Variants in LRP1B observed in about 807,000 individuals in gnomAD.
The protein encoded by LRP1B is LDL receptor related protein 1B.
LRP1B carries 217 observed loss-of-function variants against 556.6 expected under a neutral mutation model. The observed-to-expected ratio is 0.39, with a 90% CI of 0.35 to 0.44. The LOEUF (loss-of-function observed/expected upper bound fraction) is 0.44. Among genes scored for constraint, LRP1B ranks in the 20% least tolerant of loss-of-function variants. The pLI, the probability that LRP1B is intolerant of heterozygous loss-of-function variation, is 1.00. For synonymous variants in LRP1B, 2,047 were observed against 1,865.8 expected, an observed-to-expected ratio of 1.10 and a Z score of -2.50; for missense variants, 5,053 against 5,620.8, an observed-to-expected ratio of 0.90 and a Z score of 3.23.
intron 43 of LRP1B, among the ~76,000 whole-genome samples, chr2:140,564,331 T>C (rs1681047665): frequency 6.6e-6 from 1 of 152,136 alleles, no homozygotes; most frequent in African/African-American, 2.4e-5. Flanking sequence ...CAATATGTAT[T>C]GTTTTCCACA....
intron 1 of LRP1B, among the ~76,000 whole-genome samples, chr2:142,120,703 T>C (rs1191894855): frequency 2.0e-5 from 3 of 152,194 alleles, no homozygotes; most frequent in Admixed American, 6.5e-5. Context: ...GCAAAATTAT[T>C]GCTTCCATAC....
intron 2 of LRP1B, among the ~76,000 whole-genome samples, chr2:141,514,707 G>C (rs1684250268): frequency 6.6e-6 from 1 of 152,130 alleles, no homozygotes; most frequent in African/African-American, 2.4e-5. Context: ...GAACAGCATA[G>C]CTTAACTTAG....
At chr2:140,528,872 C>T (rs1690557377) in intron 47 of LRP1B, among the ~76,000 whole-genome samples, 1 of 152,000 alleles carries the variant, frequency 6.6e-6, no homozygotes, top group African/African-American at 2.4e-5. Flanking sequence ...AACTATATTT[C>T]ATCTTCACTT....
At chr2:140,620,205 G>A (rs1683402365) in intron 41 of LRP1B, among the ~76,000 whole-genome samples, 1 of 152,146 alleles carries the variant, frequency 6.6e-6, no homozygotes, top group East Asian at 1.9e-4. Flanking sequence ...CACAATAACA[G>A]TGCAAGGCCA....
chr2:141,834,782 T>C (rs1283806153), intron 1 of LRP1B, among the ~76,000 whole-genome samples: 1 of 151,576 alleles, frequency 6.6e-6, no homozygotes, highest in Non-Finnish European at 1.5e-5. Context: ...GTGACTACGA[T>C]GAAGAAAAAA....
At chr2:141,633,934 C>T (rs1361372682) in intron 2 of LRP1B, among the ~76,000 whole-genome samples, 1 of 151,946 alleles carries the variant, frequency 6.6e-6, no homozygotes, top group Non-Finnish European at 1.5e-5. Context: ...GAAAAGAACA[C>T]CAAGAATTTA....
At chr2:141,442,843 G>A (rs1167833265) in intron 3 of LRP1B, among the ~76,000 whole-genome samples, 1 of 152,018 alleles carries the variant, frequency 6.6e-6, no homozygotes, top group Non-Finnish European at 1.5e-5. Flanking sequence ...CGGGCATTTG[G>A]GTTTGTTCCA....
At chr2:142,123,554 C>T (rs934860317) in intron 1 of LRP1B, among the ~76,000 whole-genome samples, 1 of 151,788 alleles carries the variant, frequency 6.6e-6, no homozygotes, top group Non-Finnish European at 1.5e-5. Flanking sequence ...GAGGTGTATG[C>T]AACTCAGGAA....
chr2:141,544,344 T>C (rs955356863), intron 2 of LRP1B, among the ~76,000 whole-genome samples: 88 of 82,482 alleles, frequency 1.1e-3, no homozygotes, highest in African/African-American at 4.0e-3. Flanking sequence ...CTTCTTCTTC[T>C]TCTTCTTCTT....
rs531471694 is a variant in LRP1B, at chr2:140,232,343, A to G, written c.*843T>C. 6.6e-6 allele frequency: 1 copy of G among 151,490 alleles called. No individual in the cohort carries two copies. Among genetic ancestry groups the G allele is most frequent in the East Asian group, 2.0e-4 (1 of 5,092 alleles). The allele number at this position is 151,490 out of a possible 1,614,324, so 9.4% of individuals were successfully genotyped here. Reference sequence around the variant, plus strand: ...TTCCACAAAATGGATGTGACTGGGAAGAAATACCTAAGATGCAAGTACCCA... The same window carrying G: ...TTCCACAAAATGGATGTGACTGGGAGGAAATACCTAAGATGCAAGTACCCA... On this transcript the variant is annotated 3_prime_UTR_variant, in exon 91 of 91. Transcript: ENST00000389484.
intron 1 of LRP1B, among the ~76,000 whole-genome samples, chr2:141,985,291 G>A (rs1702154712): frequency 1.3e-5 from 2 of 152,122 alleles, no homozygotes; most frequent in Non-Finnish European, 2.9e-5. Flanking sequence ...TTAGGCAGTG[G>A]AAAGTTGGAA....
intron 14 of LRP1B, among the ~76,000 whole-genome samples, chr2:141,012,520 G>T (rs1253905078): frequency 6.6e-6 from 1 of 151,772 alleles, no homozygotes; most frequent in Non-Finnish European, 1.5e-5. Context: ...CTCATTTCTT[G>T]TCCATAGCTA....
chr2:141,750,637 T>C (rs1694074595), intron 2 of LRP1B, among the ~76,000 whole-genome samples: 1 of 152,166 alleles, frequency 6.6e-6, no homozygotes, highest in South Asian at 2.1e-4. Flanking sequence ...TTCTATTTGA[T>C]TATAATGAAT....
intron 1 of LRP1B, 86 bp downstream of exon 1, chr2:142,130,562 A>C: frequency 1.7e-6 from 2 of 1,163,628 alleles, no homozygotes; most frequent in Non-Finnish European, 2.4e-6. Context: ...CAAGGACTTA[A>C]GTTTCACACT....
intron 2 of LRP1B, among the ~76,000 whole-genome samples, chr2:141,803,318 A>T (rs2105692365): frequency 6.6e-6 from 1 of 150,948 alleles, no homozygotes; most frequent in African/African-American, 2.4e-5. Context: ...ACCCCACTGT[A>T]CTGGGCAAAT....
chr2:141,363,461 C>A (rs995334872), intron 3 of LRP1B, among the ~76,000 whole-genome samples: 1 of 152,040 alleles, frequency 6.6e-6, no homozygotes, highest in Non-Finnish European at 1.5e-5. Context: ...TCAAAAATGT[C>A]TCTTATTTTC....
At chr2:140,875,565 G>A (rs1166812325) in intron 25 of LRP1B, among the ~76,000 whole-genome samples, 1 of 152,068 alleles carries the variant, frequency 6.6e-6, no homozygotes. Flanking sequence ...TCAAATGAAT[G>A]ACTAATTTTC....
At chr2:140,584,208 A>C (rs1210840335) in intron 43 of LRP1B, among the ~76,000 whole-genome samples, 1 of 152,118 alleles carries the variant, frequency 6.6e-6, no homozygotes. Flanking sequence ...AGAAATTCAG[A>C]GAAGAGAAAA....
intron 21 of LRP1B, among the ~76,000 whole-genome samples, chr2:140,909,188 T>C (rs1157746559): frequency 1.3e-5 from 2 of 152,200 alleles, no homozygotes; most frequent in Non-Finnish European, 2.9e-5. Flanking sequence ...TTCCAGATTA[T>C]GCAATGTTCA....
Sources: gnomAD v4.1 joint callset for allele counts (sites outside exome capture counted in the v4.1 genomes callset) on GRCh38, gnomAD v4.1.1 for gene constraint, MANE v1.5 for transcripts, NCBI Gene and HGNC (gene_info 2026-07-23, HGNC 2026-07-21) for gene names.